Variants in VPS13B observed in about 807,000 individuals in gnomAD.
VPS13B encodes vacuolar protein sorting 13 homolog B.
Under a neutral mutation model 426.4 loss-of-function variants are expected in VPS13B, and 285 were observed. The observed-to-expected ratio is 0.67, with a 90% CI of 0.61 to 0.74. The LOEUF is 0.74. Ranked by LOEUF, VPS13B falls within the 30% of genes least tolerant of loss-of-function variation. VPS13B has a pLI of 0.00. For missense variants in VPS13B, 4,537 were observed against 4,782.6 expected (o/e 0.95, Z 1.51); for synonymous variants, 1,676 against 1,676.4 (o/e 1.00, Z 0.01).
intron 35 of VPS13B, among the ~76,000 whole-genome samples, chr8:99,666,470 G>T (rs2129828290): frequency 6.6e-6 from 1 of 152,164 alleles, no homozygotes; most frequent in African/African-American, 2.4e-5. Flanking sequence ...ATGATCAAGT[G>T]GGCTTCATCC....
intron 19 of VPS13B, among the ~76,000 whole-genome samples, chr8:99,328,785 G>T (rs1206495802): frequency 1.3e-5 from 2 of 152,090 alleles, no homozygotes; most frequent in African/African-American, 2.4e-5. Context: ...CTTCTGAGGA[G>T]ATCTCAATTT....
intron 3 of VPS13B, among the ~76,000 whole-genome samples, chr8:99,041,644 G>A (rs1456495174): frequency 1.3e-5 from 2 of 152,166 alleles, no homozygotes; most frequent in Admixed American, 1.3e-4. Flanking sequence ...ACGAGGTCAG[G>A]AGATAGAGAC....
chr8:99,709,191 T>C (rs924100073), intron 36 of VPS13B, among the ~76,000 whole-genome samples: 4 of 152,212 alleles, frequency 2.6e-5, no homozygotes, highest in African/African-American at 9.6e-5. Flanking sequence ...TCTAGTAGCC[T>C]TAGATTACTT....
chr8:99,699,287 T>C (rs879653532), intron 35 of VPS13B, among the ~76,000 whole-genome samples: 6 of 151,988 alleles, frequency 3.9e-5, no homozygotes, highest in African/African-American at 7.3e-5. Context: ...GGGCCACACA[T>C]GTCACAAGGA....
At chr8:99,237,384 C>G (rs1441332633) in intron 17 of VPS13B, among the ~76,000 whole-genome samples, 1 of 152,070 alleles carries the variant, frequency 6.6e-6, no homozygotes, top group Non-Finnish European at 1.5e-5. Flanking sequence ...CATTTTATCA[C>G]TGTTATCTTT....
chr8:99,757,288 C>A (rs962602166), intron 39 of VPS13B, among the ~76,000 whole-genome samples: 1 of 152,148 alleles, frequency 6.6e-6, no homozygotes, highest in Non-Finnish European at 1.5e-5. Context: ...AGACTTACAC[C>A]GTCAGCTACC....
chr8:99,235,887 A>G (rs898205030), intron 17 of VPS13B, among the ~76,000 whole-genome samples: 1 of 152,256 alleles, frequency 6.6e-6, no homozygotes, highest in African/African-American at 2.4e-5. Flanking sequence ...ACAGTAGAAA[A>G]CAATGGTAAC....
At chr8:99,605,440 C>T (rs145666005) in intron 33 of VPS13B, among the ~76,000 whole-genome samples, 3,522 of 152,256 alleles carry the variant, frequency 0.023, 56 homozygotes, top group Middle Eastern at 0.079. Context: ...CTCTATTCTT[C>T]AATCTATAGA....
intron 44 of VPS13B, among the ~76,000 whole-genome samples, chr8:99,816,505 A>T (rs1814049467): frequency 6.6e-6 from 1 of 152,202 alleles, no homozygotes; most frequent in Non-Finnish European, 1.5e-5. Flanking sequence ...GTTTATAAAG[A>T]TAAAACTTAC....
chr8:99,472,693 A>T (rs1323812166), intron 24 of VPS13B, among the ~76,000 whole-genome samples: 1 of 151,988 alleles, frequency 6.6e-6, no homozygotes, highest in Non-Finnish European at 1.5e-5. Context: ...AGCAGAGATG[A>T]ATGGAACAGT....
chr8:99,091,203 C>T (rs1211514638), intron 3 of VPS13B, among the ~76,000 whole-genome samples: 1 of 152,038 alleles, frequency 6.6e-6, no homozygotes, highest in Non-Finnish European at 1.5e-5. Context: ...GACTCTGGTC[C>T]TTTTACTGAG....
intron 3 of VPS13B, among the ~76,000 whole-genome samples, chr8:99,054,722 G>T (rs1843740224): frequency 6.6e-6 from 1 of 152,120 alleles, no homozygotes; most frequent in Non-Finnish European, 1.5e-5. Flanking sequence ...GATCCATATT[G>T]AATTAAATTT....
chr8:99,848,588 C>G (rs113138150), intron 54 of VPS13B, among the ~76,000 whole-genome samples, 188 bp from the exon 55 acceptor site: 19 of 152,212 alleles, frequency 1.2e-4, no homozygotes, highest in African/African-American at 4.6e-4. Flanking sequence ...ATTGAAAAAT[C>G]TGGTTTTGAT....
At chr8:99,142,944 G>A in intron 12 of VPS13B, 30 bp from the exon 13 acceptor site, 5 of 1,591,040 alleles carry the variant, frequency 3.1e-6, no homozygotes, top group Non-Finnish European at 4.3e-6. Flanking sequence ...TCCAATTGAT[G>A]CTTAAAATAT....
chr8:99,849,076 G>A (rs149132949), intron 55 of VPS13B, among the ~76,000 whole-genome samples, 182 bp downstream of exon 55: 5 of 152,244 alleles, frequency 3.3e-5, no homozygotes, highest in South Asian at 2.1e-4. Context: ...GCAATAAACC[G>A]TCTTTCCTAG....
chr8:99,540,802 G>A (rs1040323366), intron 30 of VPS13B, among the ~76,000 whole-genome samples: 1 of 151,940 alleles, frequency 6.6e-6, no homozygotes, highest in African/African-American at 2.4e-5. Flanking sequence ...CTGCATAATT[G>A]TTCTGTGGAT....
rs1847634480 is a variant in VPS13B, at chr8:99,115,938, G to T, written c.937+64G>T. 15 of 1,536,348 alleles carry T rather than the reference G, an allele frequency of 9.8e-6. No homozygotes were observed. The East Asian group carries it at 3.4e-4, about 35-fold the overall frequency. On this transcript the variant is annotated intron_variant, in intron 7 of 61. Transcript: ENST00000357162. ...GACTATTCTTACGTTTTACCATTGG[G>T]AAACTTTAAAAAATGTATTAGCTTG...
chr8:99,108,182 C>CT (rs1458561801), intron 5 of VPS13B, among the ~76,000 whole-genome samples: 7 of 152,154 alleles, frequency 4.6e-5, no homozygotes, highest in Admixed American at 1.3e-4. Flanking sequence ...TGATTTCATC[C>CT]TTTTTTATGG....
chr8:99,530,434 G>A (rs1407221002), intron 30 of VPS13B, among the ~76,000 whole-genome samples: 1 of 152,054 alleles, frequency 6.6e-6, no homozygotes, highest in African/African-American at 2.4e-5. Context: ...GGACAACATG[G>A]TGAAACCCTA....
Sources: allele counts gnomAD v4.1 joint callset (sites outside exome capture counted in the v4.1 genomes callset), GRCh38; gene constraint gnomAD v4.1.1; transcripts MANE v1.5; gene names NCBI Gene and HGNC (gene_info 2026-07-23, HGNC 2026-07-21).